Variants in TIMP3 observed in about 807,000 individuals in gnomAD.
TIMP3 encodes metalloproteinase inhibitor 3.
Under a neutral mutation model 30.0 loss-of-function variants are expected in TIMP3, and 11 were observed. That is an observed-to-expected ratio of 0.37 (90% CI 0.23 to 0.61). TIMP3 has a LOEUF of 0.61. Among genes scored for constraint, TIMP3 ranks in the 20% least tolerant of loss-of-function variants. The probability of loss-of-function intolerance (pLI) is 0.70; values close to 1 mark genes in which losing one functional copy is unlikely to be tolerated. For missense variants in TIMP3, 181 were observed against 276.8 expected, an observed-to-expected ratio of 0.65 and a Z score of 2.45; for synonymous variants, 112 against 111.3, an observed-to-expected ratio of 1.01 and a Z score of -0.04.
chr22:32,830,919 G>T (rs2047554742), intron 1 of TIMP3, among the ~76,000 whole-genome samples: 1 of 152,170 alleles, frequency 6.6e-6, no homozygotes, highest in Non-Finnish European at 1.5e-5. Context: ...CCTGGATGGG[G>T]TTTTGTTTTT....
intron 1 of TIMP3, among the ~76,000 whole-genome samples, chr22:32,825,815 C>T (rs1477280337): frequency 4.7e-5 from 7 of 149,870 alleles, no homozygotes; most frequent in Non-Finnish European, 1.5e-5. Flanking sequence ...AAGCATCCAA[C>T]TAACATTTCT....
intron 1 of TIMP3, 100 bp from the exon 2 acceptor site, chr22:32,849,352 A>G: frequency 1.0e-6 from 1 of 998,854 alleles, no homozygotes; most frequent in Non-Finnish European, 1.6e-6. Flanking sequence ...TAAGAGTGCA[A>G]TTCCAGGCTC....
At chr22:32,820,174 C>G (rs546017885) in intron 1 of TIMP3, among the ~76,000 whole-genome samples, 1 of 152,166 alleles carries the variant, frequency 6.6e-6, no homozygotes, top group Admixed American at 6.5e-5. Flanking sequence ...GGCTCCTGTG[C>G]CCAAGCCCTT....
chr22:32,839,231 C>G (rs905578401), intron 1 of TIMP3, among the ~76,000 whole-genome samples: 10 of 152,208 alleles, frequency 6.6e-5, no homozygotes, highest in Middle Eastern at 3.4e-3. Context: ...CAGAATAATC[C>G]TGTAGATACT....
At chr22:32,847,644 T>C (rs973950377) in intron 1 of TIMP3, among the ~76,000 whole-genome samples, 7 of 152,170 alleles carry the variant, frequency 4.6e-5, no homozygotes, top group African/African-American at 7.2e-5. Context: ...CTGGGATACA[T>C]AGTGGAGCAT....
At chr22:32,808,740 A>T (rs953884117) in intron 1 of TIMP3, among the ~76,000 whole-genome samples, 1 of 152,130 alleles carries the variant, frequency 6.6e-6, no homozygotes, top group Non-Finnish European at 1.5e-5. Flanking sequence ...ACTCCTTGGC[A>T]TTGGTACAGA....
chr22:32,813,532 CACACGT>C (rs1001919616), intron 1 of TIMP3, among the ~76,000 whole-genome samples: 44 of 144,990 alleles, frequency 3.0e-4, no homozygotes, highest in African/African-American at 5.4e-4. Flanking sequence ...CACACACACA[CACACGT>C]GGACCAAACA....
At chr22:32,841,788 T>G (rs1233491081) in intron 1 of TIMP3, among the ~76,000 whole-genome samples, 1 of 152,092 alleles carries the variant, frequency 6.6e-6, no homozygotes, top group Non-Finnish European at 1.5e-5. Context: ...CTATGGTACA[T>G]GTTTACCTTT....
rs944475748 is a variant in TIMP3 at position 32,837,755 on chromosome 22, C to A, written c.122-11697C>A. Among the ~76,000 whole-genome samples the A allele has an allele frequency of 2.6e-5, 4 of 152,046 alleles. No individual in the cohort carries two copies. Among genetic ancestry groups the A allele is most frequent in the African/African-American group, 9.7e-5 (4 of 41,392 alleles). On this transcript the variant is annotated intron_variant, in intron 1 of 4. Transcript: ENST00000266085. This position sits in a 1 kb window ranked among gnomAD's most constrained non-coding sequence, Gnocchi z 4.1. Reference sequence around the variant, plus strand: ...CAGAGTGATAAGTCTTTATCACTAGCCTCAGGGAGTAGAAGCCCACCTAAG... The same window carrying A: ...CAGAGTGATAAGTCTTTATCACTAGACTCAGGGAGTAGAAGCCCACCTAAG...
At chr22:32,840,288 T>C (rs1458668486) in intron 1 of TIMP3, among the ~76,000 whole-genome samples, 2 of 152,176 alleles carry the variant, frequency 1.3e-5, no homozygotes, top group African/African-American at 4.8e-5. Flanking sequence ...CGGAAAGAGT[T>C]AGTCAGGACA....
In TIMP3 at chr22:32,806,714, G is replaced by A. The variant is rs189213172; in HGVS notation, c.121+4592G>A. ...TATATTTTAAAAGCTACAAGTATAT[G>A]AATACATTCTATGTCCATGTATGTA... On this transcript the variant is annotated intron_variant, in intron 1 of 4. Transcript: ENST00000266085. Among the ~76,000 whole-genome samples, 105 of 152,262 alleles carry A rather than the reference G, an allele frequency of 6.9e-4. No homozygotes were observed. The East Asian group carries it at 0.013, about 19-fold the overall frequency.
intron 1 of TIMP3, among the ~76,000 whole-genome samples, chr22:32,811,189 C>T (rs963256663): frequency 1.3e-5 from 2 of 151,962 alleles, no homozygotes; most frequent in Non-Finnish European, 2.9e-5. Context: ...GCAGGGAAGG[C>T]ATGTCTGGAG....
chr22:32,840,355 T>C (rs1454983219), intron 1 of TIMP3, among the ~76,000 whole-genome samples: 1 of 152,062 alleles, frequency 6.6e-6, no homozygotes, highest in Non-Finnish European at 1.5e-5. Context: ...GGTCTGGCCT[T>C]GGCGTTGACA....
chr22:32,805,713 C>T (rs1216569227), intron 1 of TIMP3, among the ~76,000 whole-genome samples: 1 of 149,400 alleles, frequency 6.7e-6, no homozygotes, highest in African/African-American at 2.5e-5. Flanking sequence ...CTGTGCTTGT[C>T]CAAGGCCACC....
chr22:32,858,188 C>T lies in TIMP3; in HGVS notation c.438+50C>T, dbSNP rs372614802. On this transcript the variant is annotated intron_variant, in intron 4 of 4. Transcript: ENST00000266085. ...AGGAGGGGAGGTGCTGACTTGCAGC[C>T]CTAGAAACATCAGCTCCCAATGCAC... 33 of 1,606,362 alleles carry T rather than the reference C, an allele frequency of 2.1e-5. No individual in the cohort carries two copies. The Admixed American group carries it at 2.2e-4, about 11-fold the overall frequency.
At chr22:32,816,170 T>C (rs2047083771) in intron 1 of TIMP3, among the ~76,000 whole-genome samples, 1 of 151,964 alleles carries the variant, frequency 6.6e-6, no homozygotes, top group Admixed American at 6.6e-5. Context: ...GCGAGGTCAG[T>C]GTACCAGGTT....
At position 32,849,462 on chromosome 22, in the gene TIMP3, C is replaced by G. The variant is rs113979605; in HGVS notation, c.132C>G (p.Ala44=). The change falls in exon 2 of 5, where the codon GCC becomes GCG. Residue 44 remains alanine (A), a synonymous_variant. Transcript: ENST00000266085. ...CTTCTGTCTCTGCAGTGATCCGGGC[C>G]AAGGTGGTGGGGAAGAAGCTGGTAA... ...AFCNSDIVIR[A]KVVGKKLVKE... is the part of the protein sequence containing the mutation. 1.7e-5 allele frequency: 28 copies of G among 1,613,656 alleles called. 1 individual carries two copies. The highest frequency in any genetic ancestry group is 1.6e-4 in the African/African-American group (12 of 75,000).
chr22:32,855,116 C>A (rs781607428), intron 2 of TIMP3, among the ~76,000 whole-genome samples: 1 of 152,202 alleles, frequency 6.6e-6, no homozygotes, highest in African/African-American at 2.4e-5. Context: ...GGGACAAGCC[C>A]AGAGACCACC....
intron 1 of TIMP3, among the ~76,000 whole-genome samples, chr22:32,828,501 A>G (rs2146110573): frequency 6.6e-6 from 1 of 152,340 alleles, no homozygotes. Context: ...GAATTGAAAT[A>G]AGTCTTTTCC....
Sources: gnomAD v4.1 joint callset for allele counts (sites outside exome capture counted in the v4.1 genomes callset) on GRCh38, gnomAD v4.1.1 for gene constraint, Gnocchi (gnomAD v3.1) non-coding constraint, MANE v1.5 for transcripts, NCBI Gene and HGNC (gene_info 2026-07-23, HGNC 2026-07-21) for gene names.